The following ROBO2 variants were observed in gnomAD, a reference collection of about 807,000 sequenced individuals.
ROBO2 encodes roundabout homolog 2.
ROBO2 carries 53 observed loss-of-function variants against 160.8 expected under a neutral mutation model. That is an observed-to-expected ratio of 0.33 (90% CI 0.26 to 0.41). ROBO2 has a LOEUF of 0.41. Among genes scored for constraint, ROBO2 ranks in the 10% least tolerant of loss-of-function variants. The probability of loss-of-function intolerance (pLI) is 1.00; values close to 1 mark genes in which losing one functional copy is unlikely to be tolerated. For missense variants in ROBO2, 1,577 were observed against 1,722.4 expected, an observed-to-expected ratio of 0.92 and a Z score of 1.49; for synonymous variants, 664 against 611.7, an observed-to-expected ratio of 1.09 and a Z score of -1.26.
chr3:75,925,441 A>G (rs1018337760), intron 1 of ROBO2, among the ~76,000 whole-genome samples: 1 of 152,114 alleles, frequency 6.6e-6, no homozygotes, highest in Non-Finnish European at 1.5e-5. Context: ...TTTGAAGGCT[A>G]CTAAAGTCAT....
chr3:76,452,616 A>G (rs931929310), intron 2 of ROBO2, among the ~76,000 whole-genome samples: 2 of 152,148 alleles, frequency 1.3e-5, no homozygotes, highest in Admixed American at 6.5e-5. Flanking sequence ...GCTATTGTGA[A>G]TAGTGCCGCA....
chr3:76,276,202 A>G (rs558725497), intron 2 of ROBO2, among the ~76,000 whole-genome samples: 4 of 152,190 alleles, frequency 2.6e-5, no homozygotes, highest in Non-Finnish European at 5.9e-5. Context: ...AATATTCCCA[A>G]CGTGGACTTT....
intron 5 of ROBO2, among the ~76,000 whole-genome samples, chr3:77,505,211 A>G (rs902163502): frequency 2.6e-5 from 4 of 152,206 alleles, no homozygotes; most frequent in African/African-American, 9.7e-5. Flanking sequence ...AGCTTGGAAC[A>G]GAGAAAGTTT....
intron 2 of ROBO2, among the ~76,000 whole-genome samples, chr3:76,623,760 T>C (rs917115821): frequency 4.6e-5 from 7 of 152,180 alleles, no homozygotes; most frequent in African/African-American, 1.4e-4. Flanking sequence ...AGTGCATTTT[T>C]AGTTTCATTA....
chr3:76,893,894 G>T (rs1187707132), intron 2 of ROBO2, among the ~76,000 whole-genome samples: 2 of 151,860 alleles, frequency 1.3e-5, no homozygotes, highest in South Asian at 2.1e-4. Context: ...CAACTTTTTA[G>T]CTCCCATATA....
intron 2 of ROBO2, among the ~76,000 whole-genome samples, chr3:76,944,950 G>A (rs1284588522): frequency 6.6e-6 from 1 of 151,512 alleles, no homozygotes; most frequent in Non-Finnish European, 1.5e-5. Context: ...GTTCAGTGGC[G>A]CGATCTCAGC....
At chr3:77,340,210 G>C (rs113560636) in intron 2 of ROBO2, among the ~76,000 whole-genome samples, 1 of 152,052 alleles carries the variant, frequency 6.6e-6, no homozygotes, top group Non-Finnish European at 1.5e-5. Context: ...TGTCATGAAT[G>C]GTAACGAGAA....
At chr3:75,973,266 TTTAA>T (rs1388897714) in intron 2 of ROBO2, among the ~76,000 whole-genome samples, 1 of 151,624 alleles carries the variant, frequency 6.6e-6, no homozygotes, top group Non-Finnish European at 1.5e-5. Context: ...ATGACAAAAA[TTTAA>T]TTATCAAATG....
At chr3:76,185,215 T>TATATATATATATATATATATATAC in intron 2 of ROBO2, among the ~76,000 whole-genome samples, 85 of 90,250 alleles carry the variant, frequency 9.4e-4, no homozygotes, top group African/African-American at 2.5e-3. Flanking sequence ...TATATATATA[T>TATATATATATATATATATATATAC]ACACACACAA....
intron 2 of ROBO2, among the ~76,000 whole-genome samples, chr3:76,963,902 A>G (rs1013770021): frequency 2.0e-5 from 3 of 151,966 alleles, no homozygotes; most frequent in Non-Finnish European, 2.9e-5. Context: ...ATGAAAAAGA[A>G]AAGAAAGGAA....
intron 1 of ROBO2, among the ~76,000 whole-genome samples, chr3:77,066,119 G>T (rs941024104): frequency 6.6e-6 from 1 of 151,900 alleles, no homozygotes; most frequent in Admixed American, 6.6e-5. Context: ...TTTGGTGATC[G>T]ATAACAGCAC....
intron 2 of ROBO2, among the ~76,000 whole-genome samples, chr3:76,741,946 T>TA (rs1332295733): frequency 5.3e-5 from 8 of 152,096 alleles, no homozygotes; most frequent in Admixed American, 5.2e-4. Flanking sequence ...GAGTTATGTC[T>TA]ATAGTTATCT....
At chr3:76,721,097 G>A (rs1198250095) in intron 2 of ROBO2, among the ~76,000 whole-genome samples, 1 of 152,080 alleles carries the variant, frequency 6.6e-6, no homozygotes, top group Non-Finnish European at 1.5e-5. Context: ...AAAACTTACA[G>A]CTTCCATTTA....
intron 4 of ROBO2, among the ~76,000 whole-genome samples, chr3:77,484,504 CACAA>C (rs1468549377): frequency 4.0e-5 from 4 of 99,650 alleles, no homozygotes; most frequent in Admixed American, 3.7e-4. Context: ...CTTGCCCCAA[CACAA>C]ACACACACAC....
At chr3:76,145,504 T>A (rs1372600189) in intron 2 of ROBO2, among the ~76,000 whole-genome samples, 1 of 152,028 alleles carries the variant, frequency 6.6e-6, no homozygotes. Context: ...ATACTTGTGA[T>A]GAGCTACCTT....
rs545685600 is a variant in ROBO2 at position 76,136,115 on chromosome 3, C to G, written c.109+198513C>G. 5.3e-5 allele frequency among the ~76,000 whole-genome samples: 8 copies of G among 152,180 alleles called. No individual in the cohort carries two copies. In the South Asian group the frequency reaches 1.7e-3, roughly 32 times the overall value. The stretch of plus-strand genomic sequence containing the variant: ...CAGCTTGAAAATAAATTTAAATGTT[C>G]TGAGTTTTAGTGTTCTTGTGTATCC... On this transcript the variant is annotated intron_variant, in intron 2 of 26. Transcript: ENST00000487694.
rs1032535748 is a variant in ROBO2, at chr3:76,986,860, G to A, written c.110-111154G>A. On this transcript the variant is annotated intron_variant, in intron 2 of 26. Coordinates refer to the ROBO2 transcript ENST00000487694. ...GATATCTATTATTAAAATCGATAGG[G>A]AATATAATAAGTAAACCCCTAGGCT... 6.6e-5 allele frequency among the ~76,000 whole-genome samples: 10 copies of A among 150,926 alleles called. No individual in the cohort carries two copies. The South Asian group carries it at 1.7e-3, about 25-fold the overall frequency.
intron 2 of ROBO2, among the ~76,000 whole-genome samples, chr3:75,950,020 A>ATG (rs61564519): frequency 0.95 from 141,715 of 149,086 alleles, 67,519 homozygotes; most frequent in Middle Eastern, 0.99. Flanking sequence ...CTACATATGC[A>ATG]TGTGTGTGTG....
chr3:76,397,308 T>C (rs1444088313), intron 2 of ROBO2, among the ~76,000 whole-genome samples: 2 of 152,110 alleles, frequency 1.3e-5, no homozygotes, highest in Non-Finnish European at 2.9e-5. Context: ...CCTTACACCT[T>C]ATACAAAAAT....
Sources: gnomAD v4.1 joint callset for allele counts (sites outside exome capture counted in the v4.1 genomes callset) on GRCh38, gnomAD v4.1.1 for gene constraint, MANE v1.5 for transcripts, NCBI Gene and HGNC (gene_info 2026-07-23, HGNC 2026-07-21) for gene names.